Variants in GOSR2 observed in about 807,000 individuals in gnomAD.
GOSR2 encodes golgi SNAP receptor complex member 2.
A neutral mutation model predicts 27.9 loss-of-function variants in GOSR2; 20 were observed. The observed-to-expected ratio is 0.72, with a 90% CI of 0.50 to 1.04. The LOEUF (loss-of-function observed/expected upper bound fraction) is 1.04. GOSR2 is among the 50% of genes least tolerant of loss of function. The pLI, the probability that GOSR2 is intolerant of heterozygous loss-of-function variation, is 0.00. For missense variants in GOSR2, 261 were observed against 270.5 expected, an observed-to-expected ratio of 0.97 and a Z score of 0.25; for synonymous variants, 91 against 98.8, an observed-to-expected ratio of 0.92 and a Z score of 0.47.
At chr17:46,932,263 T>C in intron 4 of GOSR2, 64 bp downstream of exon 4, 1 of 1,589,040 alleles carries the variant, frequency 6.3e-7, no homozygotes, top group Non-Finnish European at 8.6e-7. Flanking sequence ...GGAGTTCAGA[T>C]CTCTGAGCGC....
In GOSR2 at chr17:46,939,736, A is replaced by G; in HGVS notation, c.*976A>G. The G allele has an allele frequency of 2.0e-6, 2 of 987,170 alleles. No homozygotes were observed. Among genetic ancestry groups the G allele is most frequent in the Non-Finnish European group, 2.4e-6 (2 of 831,110 alleles). 61.2% of individuals were successfully genotyped at this position (987,170 alleles called of 1,614,324 possible). A position where few individuals can be genotyped will look rare whatever the true frequency, so the allele number is the denominator to read the frequency against. On this transcript the variant is annotated 3_prime_UTR_variant, in exon 6 of 6. Coordinates refer to ENST00000640051, the MANE Select transcript of GOSR2 (RefSeq NM_004287.5). ...CACCGTGGAGACATCTGTAGTGTGT[A>G]TGTCCTTGTAACACTCTGTTTTCAG...
rs754535137 is a variant in GOSR2, at chr17:46,931,203, A to C, written c.199A>C (p.Arg67=). Residue 67 remains arginine (R), a synonymous_variant, in exon 3 of 6, where the codon AGA becomes CGA. Transcript: ENST00000640051. ...KEPPNKRQNA[R]LRVDQLKYDV... is the part of the protein sequence containing the mutation. ...GCCCCCTAACAAAAGGCAAAATGCC[A>C]GACTGTAAGTGCTGACCTCTGACAT... The C allele has an allele frequency of 2.3e-5, 33 of 1,452,220 alleles. No homozygotes were observed. Among genetic ancestry groups the C allele is most frequent in the Non-Finnish European group, 3.2e-5 (33 of 1,032,302 alleles). 90.0% of individuals were successfully genotyped at this position (1,452,220 alleles called of 1,614,324 possible).
chr17:46,926,628 T>G (rs1246878271), intron 1 of GOSR2, among the ~76,000 whole-genome samples: 1 of 152,216 alleles, frequency 6.6e-6, no homozygotes, highest in Non-Finnish European at 1.5e-5. Flanking sequence ...ACTTCCAGTG[T>G]GTTATGTTGT....
At chr17:46,927,959 T>G (rs1211687948) in intron 1 of GOSR2, among the ~76,000 whole-genome samples, 2 of 151,960 alleles carry the variant, frequency 1.3e-5, no homozygotes, top group Admixed American at 6.6e-5. Flanking sequence ...TTCCTTAGAG[T>G]CCTAATTCTC....
At chr17:46,965,947 A>T (rs1270777521) in intron 6 of GOSR2, among the ~76,000 whole-genome samples, 1 of 151,920 alleles carries the variant, frequency 6.6e-6, no homozygotes, top group Non-Finnish European at 1.5e-5. Context: ...ACTTTTCTTT[A>T]ATATGTCCTG....
chr17:46,969,131 G>T (rs986064723), downstream of GOSR2, among the ~76,000 whole-genome samples: 1 of 152,142 alleles, frequency 6.6e-6, no homozygotes, highest in Admixed American at 6.5e-5. Flanking sequence ...TCTCGCTCTG[G>T]CTCCCCTCCA....
At chr17:46,931,526 G>C in intron 3 of GOSR2, 1 of 411,798 alleles carries the variant, frequency 2.4e-6, no homozygotes, top group African/African-American at 2.0e-5. Context: ...GTTTTGTTCT[G>C]CTCTTTGGTT....
At chr17:46,944,056 A>G (rs888895450), downstream of GOSR2, among the ~76,000 whole-genome samples, 61 of 152,196 alleles carry the variant, frequency 4.0e-4, no homozygotes, top group African/African-American at 1.3e-3. Flanking sequence ...CATCTGTGAC[A>G]TGGTGGCTCC....
chr17:46,969,444 T>A (rs1007029303), downstream of GOSR2, among the ~76,000 whole-genome samples: 1 of 152,252 alleles, frequency 6.6e-6, no homozygotes, highest in Admixed American at 6.5e-5. Context: ...CTGGGCTGTT[T>A]CCCCTATGTC....
rs1413496484 is a variant in GOSR2, at chr17:46,923,197, A to C, written c.5A>C (p.Asp2Ala). ...GTGGCCTGCGGGGCCGGCGACATGG[A>C]TCCCCTGTTCCAGCAAACGCACAAG... M[D>A]PLFQQTHKQV... The change falls in exon 1 of 6, where the codon GAT becomes GCT. Residue 2 changes from aspartate (D) to alanine (A), a missense_variant. Coordinates refer to ENST00000640051, the MANE Select transcript of GOSR2 (RefSeq NM_004287.5). 6 of 1,547,378 alleles carry C rather than the reference A, an allele frequency of 3.9e-6. No homozygotes were observed. Among genetic ancestry groups the C allele is most frequent in the Non-Finnish European group, 5.2e-6 (6 of 1,143,362 alleles).
intron 6 of GOSR2, among the ~76,000 whole-genome samples, chr17:46,957,100 G>A (rs2090768820): frequency 6.6e-6 from 1 of 152,150 alleles, no homozygotes; most frequent in African/African-American, 2.4e-5. Context: ...TGTGAACCCA[G>A]GAGTTCAAAA....
chr17:46,964,492 G>A (rs1356376916), intron 6 of GOSR2: 1 of 152,386 alleles, frequency 6.6e-6, no homozygotes, highest in Non-Finnish European at 1.5e-5. Context: ...CAGCACCACG[G>A]ACAGCTTCGC....
At chr17:46,925,753 C>T (rs2146760483) in intron 1 of GOSR2, among the ~76,000 whole-genome samples, 1 of 152,304 alleles carries the variant, frequency 6.6e-6, no homozygotes, top group South Asian at 2.1e-4. Context: ...TTGTGATTAT[C>T]TCTTGCCGTG....
At chr17:46,938,074 G>A in intron 5 of GOSR2, 1 of 200,576 alleles carries the variant, frequency 5.0e-6, no homozygotes, top group Non-Finnish European at 1.0e-5. Flanking sequence ...ACGTGCCCAG[G>A]CTGATCTCGA....
At chr17:46,974,491 T>A (rs532771039) in intron 6 of GOSR2, among the ~76,000 whole-genome samples, 4 of 152,134 alleles carry the variant, frequency 2.6e-5, no homozygotes, top group African/African-American at 7.2e-5. Flanking sequence ...TCCCAGCACT[T>A]TGGGAGGCCG....
intron 5 of GOSR2, among the ~76,000 whole-genome samples, chr17:46,938,243 G>A (rs1216499695): frequency 1.3e-5 from 2 of 151,982 alleles, no homozygotes; most frequent in Non-Finnish European, 2.9e-5. Context: ...TTAATTCTAT[G>A]AACCATCTCA....
At chr17:46,934,392 T>C (rs1477533231) in intron 4 of GOSR2, among the ~76,000 whole-genome samples, 3 of 152,132 alleles carry the variant, frequency 2.0e-5, no homozygotes, top group Non-Finnish European at 2.9e-5. Flanking sequence ...CATGGTAGCA[T>C]GCACCTATGG....
rs2091147207 is a variant in GOSR2, at chr17:46,962,933, A to G, written c.584-3601A>G. Among the ~76,000 whole-genome samples, 3 of 152,246 alleles carry G rather than the reference A, an allele frequency of 2.0e-5. No individual in the cohort carries two copies. The South Asian group carries it at 6.2e-4, about 31-fold the overall frequency. ...TCATTTTCATCAATGATGTGATTTA[A>G]TCCTTTCAAACATACTTAGAGGTAT... is the stretch of plus-strand genomic sequence containing the variant. On this transcript the variant is annotated intron_variant, in intron 6 of 6. Transcript: ENST00000573224.
At chr17:46,951,382 C>G (rs941901135) in intron 6 of GOSR2, among the ~76,000 whole-genome samples, 4 of 152,190 alleles carry the variant, frequency 2.6e-5, no homozygotes, top group African/African-American at 9.7e-5. Flanking sequence ...CAATTTCATC[C>G]TTAAAGATTC....
Sources: allele counts gnomAD v4.1 joint callset (sites outside exome capture counted in the v4.1 genomes callset), GRCh38; gene constraint gnomAD v4.1.1; transcripts MANE v1.5; gene names NCBI Gene and HGNC (gene_info 2026-07-23, HGNC 2026-07-21).